DTHD1: variants seen among roughly 807,000 people sequenced by gnomAD.
The protein encoded by DTHD1 is death domain containing 1.
In DTHD1, 59 loss-of-function variants were observed where a neutral mutation model predicts 74.8. The ratio of observed to expected loss-of-function variants is 0.79; its 90% CI spans 0.64 to 0.98. The LOEUF (loss-of-function observed/expected upper bound fraction) is 0.98. Among genes scored for constraint, DTHD1 ranks in the 50% least tolerant of loss-of-function variants. DTHD1 has a pLI of 0.00. For synonymous variants in DTHD1, 365 were observed against 371.1 expected (o/e 0.98, Z 0.19); for missense variants, 1,051 against 1,065.4 (o/e 0.99, Z 0.19).
intron 7 of DTHD1, chr4:36,311,659 A>G (rs1346565851): frequency 6.6e-6 from 1 of 151,332 alleles, no homozygotes; most frequent in Non-Finnish European, 1.5e-5. Context: ...CTATTTTTTC[A>G]TTTAATTGTT....
intron 7 of DTHD1, among the ~76,000 whole-genome samples, chr4:36,309,319 G>A (rs1757244973): frequency 6.6e-6 from 1 of 152,180 alleles, no homozygotes; most frequent in African/African-American, 2.4e-5. Flanking sequence ...CGGGTGTGGT[G>A]GCAGGTGCCT....
At chr4:36,327,848 C>T (rs965672471) in intron 8 of DTHD1, among the ~76,000 whole-genome samples, 3 of 152,124 alleles carry the variant, frequency 2.0e-5, no homozygotes, top group African/African-American at 7.2e-5. Context: ...CTGGATGCCC[C>T]TTCCTTCTAT....
intron 2 of DTHD1, among the ~76,000 whole-genome samples, chr4:36,285,029 A>G (rs963851805): frequency 6.6e-6 from 1 of 152,220 alleles, no homozygotes; most frequent in Admixed American, 6.5e-5. Context: ...AGCAACATGC[A>G]TAGTATTTCC....
chr4:36,311,725 G>A (rs960022644), intron 7 of DTHD1: 6 of 152,220 alleles, frequency 3.9e-5, no homozygotes, highest in Admixed American at 6.5e-5. Context: ...CTGTCCTGCT[G>A]GTGGGCAGCA....
intron 8 of DTHD1, among the ~76,000 whole-genome samples, chr4:36,324,139 C>G (rs997431101): frequency 4.6e-5 from 7 of 151,544 alleles, no homozygotes; most frequent in Non-Finnish European, 7.4e-5. Context: ...CCTTCTCCTC[C>G]CCCCCATTCC....
At chr4:36,291,729 G>A (rs1297873053) in intron 3 of DTHD1, among the ~76,000 whole-genome samples, 1 of 152,212 alleles carries the variant, frequency 6.6e-6, no homozygotes, top group Non-Finnish European at 1.5e-5. Context: ...TGGGGAGGCT[G>A]AGGCAGGAGA....
chr4:36,312,655 G>A (rs917025930), intron 7 of DTHD1, among the ~76,000 whole-genome samples: 1 of 151,916 alleles, frequency 6.6e-6, no homozygotes, highest in African/African-American at 2.4e-5. Context: ...GTTTATCCCA[G>A]ACAGAGGGAT....
At chr4:36,306,452 G>C in intron 6 of DTHD1, 100 bp downstream of exon 6, 1 of 1,245,748 alleles carries the variant, frequency 8.0e-7, no homozygotes, top group Non-Finnish European at 1.1e-6. Context: ...TTTATTCTTC[G>C]AATAGAAATA....
intron 5 of DTHD1, among the ~76,000 whole-genome samples, chr4:36,304,538 A>G (rs537659340): frequency 1.4e-4 from 22 of 152,306 alleles, no homozygotes; most frequent in African/African-American, 5.3e-4. Flanking sequence ...TTCTAGTTAA[A>G]ACTAGAGTGT....
chr4:36,316,018 C>T (rs72622799), intron 7 of DTHD1, among the ~76,000 whole-genome samples: 9,243 of 152,260 alleles, frequency 0.061, 398 homozygotes, highest in East Asian at 0.12. Flanking sequence ...TCACTGTAAG[C>T]ACCGCCTCCT....
At chr4:36,312,863 G>T (rs1181878733) in intron 7 of DTHD1, among the ~76,000 whole-genome samples, 1 of 152,226 alleles carries the variant, frequency 6.6e-6, no homozygotes, top group African/African-American at 2.4e-5. Flanking sequence ...CAACAGAGAA[G>T]TGATCAGAGT....
chr4:36,341,527 T>C (rs1177096662), intron 9 of DTHD1, among the ~76,000 whole-genome samples: 3 of 152,218 alleles, frequency 2.0e-5, no homozygotes, highest in Non-Finnish European at 4.4e-5. Flanking sequence ...ATTCATGTCA[T>C]TGTTACAAAC....
intron 5 of DTHD1, among the ~76,000 whole-genome samples, chr4:36,298,648 G>A (rs1756583306): frequency 6.6e-6 from 1 of 152,112 alleles, no homozygotes; most frequent in African/African-American, 2.4e-5. Context: ...AGCATAGTCT[G>A]AATATTAAGA....
At chr4:36,283,934 G>C (rs1220728288) in intron 1 of DTHD1, 42 bp from the exon 2 acceptor site, 1 of 1,380,456 alleles carries the variant, frequency 7.2e-7, no homozygotes, top group Non-Finnish European at 9.7e-7. Context: ...ATTTGGTTTA[G>C]TTTTGTATTT....
At chr4:36,286,473 C>A (rs750216061) in intron 2 of DTHD1, among the ~76,000 whole-genome samples, 2 of 152,152 alleles carry the variant, frequency 1.3e-5, no homozygotes, top group East Asian at 3.8e-4. Context: ...TAAACAAAAC[C>A]TCACTCAGAA....
intron 2 of DTHD1, among the ~76,000 whole-genome samples, chr4:36,286,260 T>C (rs1755705508): frequency 6.6e-6 from 1 of 152,212 alleles, no homozygotes; most frequent in South Asian, 2.1e-4. Context: ...TATTCTCACA[T>C]TCAGAAATGA....
Position 36,306,307 on chromosome 4 carries a change from T to A in DTHD1, c.1760T>A (p.Ile587Lys), listed in dbSNP as rs890830046. 1 of 1,551,586 alleles carries A rather than the reference T, an allele frequency of 6.4e-7. No individual in the cohort carries two copies. ...GGGCTTGATGATGTTGTGAAAACCA[T>A]ACAGAGCGGCTTGGTATCAGTTGAA... ...WCGLDDVVKT[I>K]QSGLVSVELY... is the part of the protein sequence containing the mutation. The change falls in exon 6 of 10, where the codon ATA (isoleucine) becomes AAA (lysine). Residue 587 changes from isoleucine (I) to lysine (K), a missense_variant. By Grantham distance (102) the Ile-to-Lys change is moderately radical (BLOSUM62 -3). Transcript: ENST00000639862.
chr4:36,294,696 A>G, intron 4 of DTHD1, 99 bp from the exon 5 acceptor site: 1 of 1,178,850 alleles, frequency 8.5e-7, no homozygotes, highest in Non-Finnish European at 1.1e-6. Context: ...AATGTATAAA[A>G]CTATGCTGCA....
At chr4:36,314,747 G>GTTTTTTTT (rs747523259) in intron 7 of DTHD1, among the ~76,000 whole-genome samples, 3 of 98,042 alleles carry the variant, frequency 3.1e-5, no homozygotes, top group Non-Finnish European at 6.0e-5. Context: ...AACAATCTGA[G>GTTTTTTTT]TTTTTTTTTT....
Sources: gnomAD v4.1 joint callset for allele counts (sites outside exome capture counted in the v4.1 genomes callset) on GRCh38, gnomAD v4.1.1 for gene constraint, MANE v1.5 for transcripts, NCBI Gene and HGNC (gene_info 2026-07-23, HGNC 2026-07-21) for gene names.